Variants in ARID5B observed in about 807,000 individuals in gnomAD.
ARID5B encodes the protein AT-rich interaction domain 5B.
Under a neutral mutation model 97.2 loss-of-function variants are expected in ARID5B, and 13 were observed. That is an observed-to-expected ratio of 0.13 (90% CI 0.09 to 0.21). ARID5B has a LOEUF of 0.21. ARID5B is among the 10% of genes least tolerant of loss of function. ARID5B has a pLI of 1.00. For synonymous variants in ARID5B, 556 were observed against 570.3 expected, an observed-to-expected ratio of 0.97 and a Z score of 0.36; for missense variants, 1,210 against 1,465.3, an observed-to-expected ratio of 0.83 and a Z score of 2.84.
intron 4 of ARID5B, among the ~76,000 whole-genome samples, chr10:62,025,609 C>T (rs926315239): frequency 1.3e-5 from 2 of 152,082 alleles, no homozygotes; most frequent in African/African-American, 4.8e-5. Flanking sequence ...GTGCTTCCTG[C>T]GATAGCTGCT....
intron 3 of ARID5B, among the ~76,000 whole-genome samples, chr10:61,997,982 TG>T (rs1263268568): frequency 1.3e-5 from 2 of 152,148 alleles, no homozygotes; most frequent in Non-Finnish European, 2.9e-5. Flanking sequence ...TAGTTTGCAT[TG>T]GGGGACTTGC....
chr10:61,940,058 A>G (rs1844372666), intron 2 of ARID5B, 125 bp from the exon 3 acceptor site: 1 of 751,776 alleles, frequency 1.3e-6, no homozygotes, highest in Non-Finnish European at 2.3e-6. Flanking sequence ...ACCAGAATGC[A>G]CACAGTCTCC....
chr10:62,070,078 G>A (rs566338282), intron 8 of ARID5B, among the ~76,000 whole-genome samples: 23 of 149,204 alleles, frequency 1.5e-4, no homozygotes, highest in Non-Finnish European at 2.1e-4. Context: ...TACTCAGGAT[G>A]TTCTCTTTAG....
At chr10:61,957,792 T>C (rs1838413364) in intron 3 of ARID5B, among the ~76,000 whole-genome samples, 1 of 152,242 alleles carries the variant, frequency 6.6e-6, no homozygotes, top group African/African-American at 2.4e-5. Flanking sequence ...TTTAAAATAA[T>C]GTATGTGTCT....
rs144577578 is a variant in ARID5B, at chr10:62,095,384, A to AGG, written c.*2360_*2361dup. On this transcript the variant is annotated 3_prime_UTR_variant, in exon 10 of 10. Coordinates refer to ENST00000279873, the MANE Select transcript of ARID5B (RefSeq NM_032199.3). ...GAGTTCGTGTCTCAAAAAAAAAAGG[A>AGG]GGGGGGGCATCTGTCCCCGGTGGAG... 20 of 231,884 alleles carry AGG rather than the reference A, an allele frequency of 8.6e-5. No homozygotes were observed. In the East Asian group the frequency reaches 1.2e-3, roughly 14 times the overall value. The allele number at this position is 231,884 out of a possible 1,614,324, so 14.4% of individuals were successfully genotyped here.
intron 7 of ARID5B, among the ~76,000 whole-genome samples, chr10:62,063,689 A>T (rs1016736221): frequency 6.6e-6 from 1 of 152,222 alleles, no homozygotes; most frequent in Non-Finnish European, 1.5e-5. Flanking sequence ...ACAAAACAAT[A>T]TTCTGGCATT....
chr10:62,094,066 T>C lies in ARID5B; in HGVS notation c.*1036T>C, dbSNP rs1840429693. The C allele has an allele frequency of 4.3e-6, 1 of 233,550 alleles. No individual in the cohort carries two copies. The highest frequency in any genetic ancestry group is 8.5e-6 in the Non-Finnish European group (1 of 118,008). The allele number at this position is 233,550 out of a possible 1,614,324, so 14.5% of individuals were successfully genotyped here. A position where few individuals can be genotyped will look rare whatever the true frequency, so the allele number is the denominator to read the frequency against. ...TGAAACTGTCCTACATACCAGAGAA[T>C]CATAAAAACAAAAACCTCACTGGCA... is the stretch of plus-strand genomic sequence containing the variant. On this transcript the variant is annotated 3_prime_UTR_variant, in exon 10 of 10. Coordinates refer to ENST00000279873, the MANE Select transcript of ARID5B (RefSeq NM_032199.3).
At chr10:62,047,012 G>GTC (rs1839718093) in intron 4 of ARID5B, 1 of 151,876 alleles carries the variant, frequency 6.6e-6, no homozygotes, top group South Asian at 2.1e-4. Context: ...CTGTGTGTGT[G>GTC]TGTGTGTGTG....
intron 2 of ARID5B, among the ~76,000 whole-genome samples, chr10:61,908,820 A>AAAAAAAAAAAGAAG (rs1251041161): frequency 6.8e-6 from 1 of 146,168 alleles, no homozygotes; most frequent in African/African-American, 2.7e-5. Flanking sequence ...AAAAAAAAAA[A>AAAAAAAAAAAGAAG]AAGAAGAAGA....
At chr10:61,960,149 A>G (rs1333763974) in intron 3 of ARID5B, among the ~76,000 whole-genome samples, 1 of 152,090 alleles carries the variant, frequency 6.6e-6, no homozygotes, top group East Asian at 1.9e-4. Context: ...TGACTGTCTT[A>G]TTTCATATAT....
chr10:62,025,811 G>GA (rs750842683), intron 4 of ARID5B, among the ~76,000 whole-genome samples: 6,520 of 58,786 alleles, frequency 0.11, 242 homozygotes, highest in African/African-American at 0.16. Context: ...GAGTGGAAGC[G>GA]AAAAAAAAAA....
chr10:62,064,338 C>T (rs1417644053), intron 7 of ARID5B, among the ~76,000 whole-genome samples: 2 of 152,184 alleles, frequency 1.3e-5, no homozygotes, highest in East Asian at 1.9e-4. Context: ...TCAGTCCACC[C>T]TCAAGGTGTC....
At chr10:62,024,950 G>A in intron 4 of ARID5B, 1 of 291,374 alleles carries the variant, frequency 3.4e-6, no homozygotes, top group Non-Finnish European at 6.4e-6. Context: ...CCTACTGGAA[G>A]CAGTGCTATA....
At chr10:62,070,441 A>G (rs569073598) in intron 8 of ARID5B, among the ~76,000 whole-genome samples, 2 of 152,336 alleles carry the variant, frequency 1.3e-5, no homozygotes, top group African/African-American at 4.8e-5. Flanking sequence ...GTTAAAGACC[A>G]GTTAGCAGAT....
Position 62,080,489 on chromosome 10 carries a change from G to A in ARID5B, c.1200-5213G>A, listed in dbSNP as rs150692019. ...ATGGTCATGGTCTAGCACCTGAGAG[G>A]TGAACAGTATGTGAGATTAGAAAAA... is the stretch of plus-strand genomic sequence containing the variant. On this transcript the variant is annotated intron_variant, in intron 8 of 9. Coordinates refer to ENST00000279873, the MANE Select transcript of ARID5B (RefSeq NM_032199.3). Among the ~76,000 whole-genome samples, 426 of 152,312 alleles carry A rather than the reference G, an allele frequency of 2.8e-3. 2 individuals are homozygous for A. Among genetic ancestry groups the A allele is most frequent in the Non-Finnish European group, 4.7e-3 (320 of 68,022 alleles).
At position 61,973,580 on chromosome 10, in the gene ARID5B, T is replaced by TAC. The variant is rs148508805; in HGVS notation, c.503-26494_503-26493dup. On this transcript the variant is annotated intron_variant, in intron 3 of 9. Transcript: ENST00000279873. ...ATACTTAAATTCACACACACATGCA[T>TAC]ACACACACACACACACACCAGATGC... Among the ~76,000 whole-genome samples the TAC allele has an allele frequency of 4.1e-3, 610 of 150,260 alleles. 1 individual carries two copies. Among genetic ancestry groups the TAC allele is most frequent in the African/African-American group, 8.0e-3 (329 of 41,120 alleles).
intron 4 of ARID5B, among the ~76,000 whole-genome samples, chr10:62,038,861 C>A (rs1051438497): frequency 5.9e-5 from 9 of 152,188 alleles, no homozygotes; most frequent in African/African-American, 2.2e-4. Flanking sequence ...CGTTTGCTTT[C>A]AGCTAACAAA....
At chr10:62,059,162 A>G (rs534932510) in intron 6 of ARID5B, 81 bp from the exon 7 acceptor site, 3 of 245,472 alleles carry the variant, frequency 1.2e-5, no homozygotes, top group Admixed American at 6.7e-5. Context: ...TTTCTCGTTG[A>G]AAAAAAAAAT....
At chr10:62,054,522 A>G (rs1839830266) in intron 5 of ARID5B, among the ~76,000 whole-genome samples, 1 of 152,202 alleles carries the variant, frequency 6.6e-6, no homozygotes, top group Non-Finnish European at 1.5e-5. Flanking sequence ...AGAGTTCAGT[A>G]GGCAGCAGCC....
Sources: gnomAD v4.1 joint callset for allele counts (sites outside exome capture counted in the v4.1 genomes callset) on GRCh38, gnomAD v4.1.1 for gene constraint, MANE v1.5 for transcripts, NCBI Gene and HGNC (gene_info 2026-07-23, HGNC 2026-07-21) for gene names.